The following TUBGCP3 variants were observed in gnomAD, a reference collection of about 807,000 sequenced individuals.
TUBGCP3 encodes the protein gamma-tubulin complex component 3.
A neutral mutation model predicts 123.1 loss-of-function variants in TUBGCP3; 50 were observed. The ratio of observed to expected loss-of-function variants is 0.41; its 90% CI spans 0.32 to 0.51. TUBGCP3 has a LOEUF of 0.51. Among genes scored for constraint, TUBGCP3 ranks in the 20% least tolerant of loss-of-function variants. The probability of loss-of-function intolerance (pLI) is 0.36; values close to 1 mark genes in which losing one functional copy is unlikely to be tolerated. For missense variants in TUBGCP3, 882 were observed against 1,127.0 expected (o/e 0.78, Z 3.11); for synonymous variants, 405 against 413.9 (o/e 0.98, Z 0.26).
At chr13:112,554,825 C>A (rs540667175) in intron 7 of TUBGCP3, 62 bp downstream of exon 7, 112 of 1,230,500 alleles carry the variant, frequency 9.1e-5, no homozygotes, top group Admixed American at 5.7e-4. Flanking sequence ...CAGCCACTAT[C>A]TGGACTTCAT....
In TUBGCP3 at chr13:112,519,314, A is replaced by AAAACCCACT. The variant is rs1335818728; in HGVS notation, c.1882-280_1882-272dup. Among the ~76,000 whole-genome samples the AAAACCCACT allele has an allele frequency of 2.6e-5, 4 of 152,234 alleles. No individual in the cohort carries two copies. The East Asian group carries it at 7.7e-4, about 29-fold the overall frequency. On this transcript the variant is annotated intron_variant, in intron 15 of 21. Transcript: ENST00000261965. The surrounding 1 kb of genome is among the most constrained non-coding windows in gnomAD (Gnocchi z 6.2). ...AATTCATCACCATTTGCTTACGACG[A>AAAACCCACT]AAACCCACTGCCTCTAAATATGTTC...
rs1566565935 is a variant in TUBGCP3, at chr13:112,545,924, C to T, written c.1169-59G>A. ...CCACATTTACACTCATAGTACACACCAGTCACTTCTCACCAACCAAAGACG... is the reference window on the plus strand; with the variant it reads ...CCACATTTACACTCATAGTACACACTAGTCACTTCTCACCAACCAAAGACG... On this transcript the variant is annotated intron_variant, in intron 10 of 21. Transcript: ENST00000261965. The surrounding 1 kb of genome is among the most constrained non-coding windows in gnomAD (Gnocchi z 4.1). 1.9e-6 allele frequency: 3 copies of T among 1,563,916 alleles called. No homozygotes were observed. The highest frequency in any genetic ancestry group is 2.6e-6 in the Non-Finnish European group (3 of 1,142,620).
chr13:112,554,827 G>A, intron 7 of TUBGCP3, 60 bp downstream of exon 7: 2 of 1,243,652 alleles, frequency 1.6e-6, no homozygotes, highest in Non-Finnish European at 2.3e-6. Flanking sequence ...GCCACTATCT[G>A]GACTTCATGA....
intron 11 of TUBGCP3, among the ~76,000 whole-genome samples, chr13:112,533,741 T>C (rs1037606351): frequency 1.3e-5 from 2 of 150,006 alleles, no homozygotes; most frequent in East Asian, 3.9e-4. Flanking sequence ...ACCACATCAC[T>C]GACTTGATAT....
At chr13:112,540,063 C>T (rs60140226) in intron 11 of TUBGCP3, among the ~76,000 whole-genome samples, 8 of 126,338 alleles carry the variant, frequency 6.3e-5, no homozygotes, top group South Asian at 2.7e-4. Flanking sequence ...TGGGAAAGGA[C>T]ACCTGGGAAT....
intron 1 of TUBGCP3, among the ~76,000 whole-genome samples, chr13:112,580,042 G>A (rs755735748): frequency 1.3e-5 from 2 of 152,252 alleles, no homozygotes; most frequent in Admixed American, 1.3e-4. Context: ...CATCTCAAAC[G>A]CGTTATACTA....
chr13:112,578,828 C>A (rs1252524360), intron 1 of TUBGCP3, among the ~76,000 whole-genome samples: 2 of 152,106 alleles, frequency 1.3e-5, no homozygotes, highest in Admixed American at 1.3e-4. Context: ...TTCGACTCCA[C>A]CAGACTTCGT....
intron 2 of TUBGCP3, among the ~76,000 whole-genome samples, chr13:112,566,082 C>T (rs1265182459): frequency 1.3e-5 from 2 of 152,220 alleles, no homozygotes; most frequent in Non-Finnish European, 2.9e-5. Flanking sequence ...GCTGTTCCAG[C>T]TACACTTACA....
chr13:112,580,350 A>T (rs1882198457), intron 1 of TUBGCP3, among the ~76,000 whole-genome samples: 1 of 152,200 alleles, frequency 6.6e-6, no homozygotes, highest in Non-Finnish European at 1.5e-5. Flanking sequence ...ATTAAAAAAA[A>T]GTCAGCCCTG....
At chr13:112,589,078 C>T (rs1001492515), upstream of TUBGCP3, among the ~76,000 whole-genome samples, 3 of 152,212 alleles carry the variant, frequency 2.0e-5, no homozygotes, top group Admixed American at 1.3e-4. Flanking sequence ...ATGCAACAAC[C>T]ATCACAGCTC....
At chr13:112,494,688 AGT>A (rs1351482650) in intron 20 of TUBGCP3, among the ~76,000 whole-genome samples, 4 of 152,192 alleles carry the variant, frequency 2.6e-5, no homozygotes, top group African/African-American at 9.7e-5. Context: ...TTCCCTCCGC[AGT>A]GTGTGAGGGT....
intron 3 of TUBGCP3, 30 bp downstream of exon 3, chr13:112,565,081 T>A (rs1473289073): frequency 1.9e-6 from 3 of 1,599,666 alleles, no homozygotes; most frequent in Admixed American, 1.7e-5. Context: ...CAACAATGAG[T>A]GCAATGACCT....
Position 112,515,079 on chromosome 13 carries a change from T to C in TUBGCP3, c.2086+1361A>G, listed in dbSNP as rs553597186. ...AAATAATAAAATATGCATTTTCCCA[T>C]ACATAGAAAACTGATCAAAAAATTT... On this transcript the variant is annotated intron_variant, in intron 17 of 21. Transcript: ENST00000261965. Among the ~76,000 whole-genome samples, 5 of 152,288 alleles carry C rather than the reference T, an allele frequency of 3.3e-5. No homozygotes were observed. In the South Asian group the frequency reaches 1.0e-3, roughly 32 times the overall value.
At chr13:112,598,764 GAAACCCTGTCTCTACTAA>G in the TUBGCP3 span, among the ~76,000 whole-genome samples, 4 of 152,028 alleles carry the variant, frequency 2.6e-5, no homozygotes, top group African/African-American at 9.7e-5. Flanking sequence ...CTAACATGGT[GAAACCCTGTCTCTACTAA>G]AAATACAAAA....
intron 3 of TUBGCP3, among the ~76,000 whole-genome samples, chr13:112,560,288 G>C (rs1216274833): frequency 6.6e-6 from 1 of 151,840 alleles, no homozygotes; most frequent in Non-Finnish European, 1.5e-5. Flanking sequence ...AAATTAGCTG[G>C]GCGTAGTGGC....
chr13:112,527,420 C>T lies in TUBGCP3; in HGVS notation c.1400G>A (p.Arg467Lys). Residue 467 changes from arginine (R) to lysine (K), a missense_variant, in exon 12 of 22, where the codon AGG becomes AAG. Transcript: ENST00000261965. ...CATAAACGAAGGAATCATCGATTTCCTCAAAGTATACTTGTCGTGCCACAG... is the reference window on the plus strand; with the variant it reads ...CATAAACGAAGGAATCATCGATTTCTTCAAAGTATACTTGTCGTGCCACAG... ...DRLWHDKYTL[R>K]KSMIPSFMTM... 6.2e-7 allele frequency: 1 copy of T among 1,602,506 alleles called. No individual in the cohort carries two copies. The highest frequency in any genetic ancestry group is 8.5e-7 in the Non-Finnish European group (1 of 1,176,920).
intron 10 of TUBGCP3, 184 bp from the exon 11 acceptor site, chr13:112,546,049 C>G: frequency 1.7e-6 from 1 of 581,444 alleles, no homozygotes; most frequent in Non-Finnish European, 3.0e-6. Flanking sequence ...ACCAGGAGGT[C>G]CAGACTCCAA....
At chr13:112,592,667 C>G (rs539721994), upstream of TUBGCP3, among the ~76,000 whole-genome samples, 3 of 152,338 alleles carry the variant, frequency 2.0e-5, no homozygotes, top group African/African-American at 7.2e-5. The surrounding 1 kb of genome is among the most constrained non-coding windows in gnomAD (Gnocchi z 4.1). Flanking sequence ...TCCAGGCCCC[C>G]TGAAAAGGAG....
intron 11 of TUBGCP3, among the ~76,000 whole-genome samples, chr13:112,529,740 G>C (rs1877425474): frequency 6.6e-6 from 1 of 152,204 alleles, no homozygotes; most frequent in South Asian, 2.1e-4. Flanking sequence ...GCACTTGGCA[G>C]TATTTTCAAT....
Sources: gnomAD v4.1 joint callset for allele counts (sites outside exome capture counted in the v4.1 genomes callset) on GRCh38, gnomAD v4.1.1 for gene constraint, Gnocchi (gnomAD v3.1) non-coding constraint, MANE v1.5 for transcripts, NCBI Gene and HGNC (gene_info 2026-07-23, HGNC 2026-07-21) for gene names.